EIF5B: variants seen among roughly 807,000 people sequenced by gnomAD.
The protein encoded by EIF5B is eIF-5B.
EIF5B carries 47 observed loss-of-function variants against 147.5 expected under a neutral mutation model. The ratio of observed to expected loss-of-function variants is 0.32; its 90% CI spans 0.25 to 0.41. EIF5B has a LOEUF of 0.41. Among genes scored for constraint, EIF5B ranks in the 10% least tolerant of loss-of-function variants. The pLI is 1.00. For missense variants in EIF5B, 1,064 were observed against 1,413.2 expected, an observed-to-expected ratio of 0.75 and a Z score of 3.96; for synonymous variants, 455 against 456.2, an observed-to-expected ratio of 1.00 and a Z score of 0.03.
chr2:99,350,676 G>T (rs1673933478), intron 1 of EIF5B, among the ~76,000 whole-genome samples: 1 of 152,056 alleles, frequency 6.6e-6, no homozygotes, highest in African/African-American at 2.4e-5. Flanking sequence ...TAGATATATA[G>T]TTTGTGAATA....
chr2:99,399,536 G>GA lies in EIF5B; in HGVS notation c.*127dup, dbSNP rs753844267. The GA allele has an allele frequency of 2.4e-4, 197 of 821,848 alleles. No individual in the cohort carries two copies. The highest frequency in any genetic ancestry group is 3.6e-4 in the Non-Finnish European group (189 of 523,762). 50.9% of individuals were successfully genotyped at this position (821,848 alleles called of 1,614,324 possible). A position where few individuals can be genotyped will look rare whatever the true frequency, so the allele number is the denominator to read the frequency against. The stretch of plus-strand genomic sequence containing the variant: ...CTGATGGACTTAAGTATGGAAGGAA[G>GA]AAAAATAGGTGTATAAAATGTTTTC... On this transcript the variant is annotated 3_prime_UTR_variant, in exon 24 of 24. Coordinates refer to ENST00000289371, the MANE Select transcript of EIF5B (RefSeq NM_015904.4).
rs1801874 is a variant in EIF5B at position 99,399,735 on chromosome 2, C to T, written c.*321C>T. On this transcript the variant is annotated 3_prime_UTR_variant, in exon 24 of 24. Coordinates refer to ENST00000289371, the MANE Select transcript of EIF5B (RefSeq NM_015904.4). ...TTTTATTACAGATCTAAAGCTCTTT[C>T]GATTTTATACTGATTAAATCAGTAC... 4 of 258,568 alleles carry T rather than the reference C, an allele frequency of 1.5e-5. No individual in the cohort carries two copies. Among genetic ancestry groups the T allele is most frequent in the Admixed American group, 4.5e-5 (1 of 22,038 alleles). The allele number at this position is 258,568 out of a possible 1,614,324, so 16.0% of individuals were successfully genotyped here. A position where few individuals can be genotyped will look rare whatever the true frequency, so the allele number is the denominator to read the frequency against.
Position 99,351,092 on chromosome 2 carries a change from C to A in EIF5B, c.36-9144C>A, listed in dbSNP as rs996371295. Among the ~76,000 whole-genome samples, 122 of 152,304 alleles carry A rather than the reference C, an allele frequency of 8.0e-4. 3 individuals carry two copies. Among genetic ancestry groups the A allele is most frequent in the Middle Eastern group, 3.4e-3 (1 of 294 alleles). On this transcript the variant is annotated intron_variant, in intron 1 of 23. Coordinates refer to ENST00000289371, the MANE Select transcript of EIF5B (RefSeq NM_015904.4). ...CTGTAATCCCAGCACTTTGGGAGGC[C>A]AAGGCAGGTGGATCACTTGAGCCCA...
chr2:99,398,799 G>A lies in EIF5B; in HGVS notation c.3445G>A (p.Asp1149Asn). The A allele has an allele frequency of 1.2e-6, 2 of 1,613,870 alleles. No homozygotes were observed. Among genetic ancestry groups the A allele is most frequent in the Non-Finnish European group, 1.7e-6 (2 of 1,179,918 alleles). ...TSIEINHKQV[D>N]VAKKGQEVCV... The stretch of plus-strand genomic sequence containing the variant: ...TATTGAAATAAACCATAAACAAGTG[G>A]ATGTTGCAAAAAAAGGACAAGAAGT... The change falls in exon 23 of 24, where the codon GAT becomes AAT. Residue 1149 changes from aspartate to asparagine, a missense_variant. Asp to Asn is a conservative substitution (Grantham distance 23). Around this residue, in one of 4 missense-constraint regions of EIF5B, gnomAD observed 380 missense variants for 715.6 expected, o/e 0.53. Transcript: ENST00000289371.
chr2:99,346,187 T>G (rs1466307165), intron 1 of EIF5B, among the ~76,000 whole-genome samples: 2 of 151,998 alleles, frequency 1.3e-5, no homozygotes. Flanking sequence ...GCGTGCAGAT[T>G]GGAAGGAATG....
In EIF5B at chr2:99,382,244, C is replaced by G. The variant is rs2104229653; in HGVS notation, c.2129+18C>G. The G allele has an allele frequency of 6.2e-7, 1 of 1,606,292 alleles. No individual in the cohort carries two copies. The highest frequency in any genetic ancestry group is 1.3e-5 in the African/African-American group (1 of 74,838). ...TCTTTCAGGTAAGAGCAATTTGAGT[C>G]TTTTCTCATCAAGCAATCTACTTGA... On this transcript the variant is annotated intron_variant, in intron 13 of 23. Coordinates refer to ENST00000289371, the MANE Select transcript of EIF5B (RefSeq NM_015904.4).
intron 21 of EIF5B, among the ~76,000 whole-genome samples, 158 bp from the exon 22 acceptor site, chr2:99,396,602 G>T (rs1432437198): frequency 6.6e-6 from 1 of 152,238 alleles, no homozygotes; most frequent in Non-Finnish European, 1.5e-5. Flanking sequence ...CTGGGCATGG[G>T]GTGGCCCTGG....
At chr2:99,358,537 T>G (rs1173397450) in intron 1 of EIF5B, among the ~76,000 whole-genome samples, 1 of 152,242 alleles carries the variant, frequency 6.6e-6, no homozygotes, top group East Asian at 1.9e-4. Context: ...TGTTCAGATC[T>G]GGTACACAAT....
intron 14 of EIF5B, among the ~76,000 whole-genome samples, chr2:99,384,428 C>T (rs1674757048): frequency 6.6e-6 from 1 of 152,162 alleles, no homozygotes; most frequent in South Asian, 2.1e-4. Context: ...TGTTTTCGTG[C>T]CTGCTAATAC....
At chr2:99,363,520 C>T in intron 4 of EIF5B, 125 bp from the exon 5 acceptor site, 1 of 941,802 alleles carries the variant, frequency 1.1e-6, no homozygotes, top group Non-Finnish European at 1.6e-6. Flanking sequence ...GCCTGTAGAA[C>T]TTAGCCTGCT....
intron 9 of EIF5B, among the ~76,000 whole-genome samples, chr2:99,375,884 C>G (rs1312269972): frequency 6.6e-6 from 1 of 152,178 alleles, no homozygotes; most frequent in African/African-American, 2.4e-5. Flanking sequence ...AAAGGATATG[C>G]TCATTGGAGC....
chr2:99,364,513 C>G, intron 6 of EIF5B, 92 bp downstream of exon 6: 3 of 1,216,054 alleles, frequency 2.5e-6, no homozygotes, highest in Non-Finnish European at 3.3e-6. Flanking sequence ...GAATTTGCAT[C>G]AGGACAGTTC....
chr2:99,343,348 T>C lies in EIF5B; in HGVS notation c.35+5759T>C, dbSNP rs533412495. On this transcript the variant is annotated intron_variant, in intron 1 of 23. Transcript: ENST00000289371. ...ATATATGATTTGCAGATACTTTCTC[T>C]GATTTCTGTAGTTTGTTTTTTCCAC... Among the ~76,000 whole-genome samples, 5 of 151,900 alleles carry C rather than the reference T, an allele frequency of 3.3e-5. No individual in the cohort carries two copies. The South Asian group carries it at 1.0e-3, about 32-fold the overall frequency.
At chr2:99,394,665 T>A (rs1675007407) in intron 20 of EIF5B, 54 bp from the exon 21 acceptor site, 2 of 1,610,224 alleles carry the variant, frequency 1.2e-6, no homozygotes, top group Non-Finnish European at 1.7e-6. Flanking sequence ...AACTGTCCTC[T>A]GTGACATACT....
At chr2:99,345,259 T>C (rs551287698) in intron 1 of EIF5B, among the ~76,000 whole-genome samples, 2 of 152,286 alleles carry the variant, frequency 1.3e-5, no homozygotes, top group South Asian at 2.1e-4. Context: ...CACTCCAGAA[T>C]AGGACTTTTT....
At chr2:99,398,692 G>A (rs199655939) in intron 22 of EIF5B, 56 bp from the exon 23 acceptor site, 13 of 1,538,920 alleles carry the variant, frequency 8.4e-6, no homozygotes, top group African/African-American at 1.4e-5. Context: ...CAGCCATGGC[G>A]CCTGTGATTG....
Position 99,353,005 on chromosome 2 carries a change from C to CT in EIF5B, c.36-7204dup, listed in dbSNP as rs529053292. ...GCCTGGCTAATTTTTTCTTCTTCTTCTTTTTTTTTTTTTTTTTTTTTTTTT... is the reference window on the plus strand; with the variant it reads ...GCCTGGCTAATTTTTTCTTCTTCTTCTTTTTTTTTTTTTTTTTTTTTTTTTT... On this transcript the variant is annotated intron_variant, in intron 1 of 23. Transcript: ENST00000289371. 5.9e-3 allele frequency among the ~76,000 whole-genome samples: 371 copies of CT among 62,830 alleles called. 30 individuals are homozygous for CT. Among genetic ancestry groups the CT allele is most frequent in the African/African-American group, 0.019 (290 of 15,066 alleles). 41.2% of individuals were successfully genotyped at this position (62,830 alleles called of 152,430 possible). A position where few individuals can be genotyped will look rare whatever the true frequency, so the allele number is the denominator to read the frequency against.
At chr2:99,337,645 G>A (rs1160907301) in intron 1 of EIF5B, 56 bp downstream of exon 1, 1 of 1,548,328 alleles carries the variant, frequency 6.5e-7, no homozygotes, top group African/African-American at 1.4e-5. Flanking sequence ...TGGAGTGTGC[G>A]GGTCTCGCCG....
In EIF5B at chr2:99,393,138, G is replaced by A. The variant is rs748051428; in HGVS notation, c.2880+40G>A. 8.9e-6 allele frequency: 13 copies of A among 1,459,762 alleles called. No homozygotes were observed. In the East Asian group the frequency reaches 2.8e-4, roughly 32 times the overall value. The allele number at this position is 1,459,762 out of a possible 1,614,324, so 90.4% of individuals were successfully genotyped here. On this transcript the variant is annotated intron_variant, in intron 18 of 23. Coordinates refer to ENST00000289371, the MANE Select transcript of EIF5B (RefSeq NM_015904.4). ...AAATTTTTTTCCTTAAAAGCTATTT[G>A]AGTTCTGGCATGTGTCAGCATTGCA...
Sources: allele counts gnomAD v4.1 joint callset (sites outside exome capture counted in the v4.1 genomes callset), GRCh38; gene constraint gnomAD v4.1.1; regional missense constraint gnomAD v4.1.1; transcripts MANE v1.5; gene names NCBI Gene and HGNC (gene_info 2026-07-23, HGNC 2026-07-21).